Variants in PCSK9 observed in about 807,000 individuals in gnomAD.
PCSK9 encodes the protein proprotein convertase subtilisin/kexin type 9, also known as convertase subtilisin/kexin type 9 preproprotein.
PCSK9 carries 57 observed loss-of-function variants against 62.1 expected under a neutral mutation model. The ratio of observed to expected loss-of-function variants is 0.92; its 90% CI spans 0.74 to 1.14. PCSK9 has a LOEUF of 1.14. PCSK9 is among the 50% of genes most tolerant of loss of function. The probability of loss-of-function intolerance (pLI) is 0.00; values close to 1 mark genes in which losing one functional copy is unlikely to be tolerated. For missense variants in PCSK9, 870 were observed against 959.8 expected, an observed-to-expected ratio of 0.91 and a Z score of 1.24; for synonymous variants, 387 against 409.4, an observed-to-expected ratio of 0.95 and a Z score of 0.66.
At chr1:55,045,953 C>CG (rs1644631641) in intron 2 of PCSK9, among the ~76,000 whole-genome samples, 1 of 151,880 alleles carries the variant, frequency 6.6e-6, no homozygotes, top group Non-Finnish European at 1.5e-5. Flanking sequence ...CAGGTGATCC[C>CG]CCACCTCGGC....
chr1:55,051,933 G>C, intron 3 of PCSK9: 1 of 367,782 alleles, frequency 2.7e-6, no homozygotes, highest in Non-Finnish European at 5.2e-6. Flanking sequence ...GGCTATAATA[G>C]GGGCTTTATT....
At chr1:55,052,436 G>A (rs762967431) in intron 4 of PCSK9, 25 bp downstream of exon 4, 1 of 1,613,410 alleles carries the variant, frequency 6.2e-7, no homozygotes. Flanking sequence ...CTGATGGGAG[G>A]GCTGCCTCTG....
At position 55,039,879 on chromosome 1, in the gene PCSK9, ACTGCTG is replaced by A. The variant is rs35574083; in HGVS notation, c.60_65del (p.Leu22_Leu23del). The A allele has an allele frequency of 2.7e-5, 42 of 1,557,934 alleles. No homozygotes were observed. Among genetic ancestry groups the A allele is most frequent in the East Asian group, 2.4e-4 (10 of 42,092 alleles). Reference sequence around the variant, plus strand: ...CCAGGCGGTCCTGGTGGCCGCTGCCACTGCTGCTGCTGCTGCTGCTGCTCCTGGGTC... The same window carrying A: ...CCAGGCGGTCCTGGTGGCCGCTGCCACTGCTGCTGCTGCTGCTCCTGGGTC... On this transcript the variant is annotated inframe_deletion, in exon 1 of 12. Transcript: ENST00000302118.
At position 55,052,429 on chromosome 1, in the gene PCSK9, A is replaced by G. The variant is rs547075823; in HGVS notation, c.657+18A>G. ...ACAGACAGGTAAGCACGGCCGTCTG[A>G]TGGGAGGGCTGCCTCTGCCCATATC... On this transcript the variant is annotated intron_variant, in intron 4 of 11. Transcript: ENST00000302118. 22 of 1,613,438 alleles carry G rather than the reference A, an allele frequency of 1.4e-5. No homozygotes were observed. In the South Asian group the frequency reaches 1.5e-4, roughly 11 times the overall value.
In PCSK9 at chr1:55,058,500, T is replaced by G. The variant is rs886038746; in HGVS notation, c.1356T>G (p.Gly452=). 6.2e-6 allele frequency: 10 copies of G among 1,612,172 alleles called. No individual in the cohort carries two copies. The highest frequency in any genetic ancestry group is 4.5e-4 in the Middle Eastern group (2 of 4,438). The change falls in exon 9 of 12, where the codon GGT becomes GGG. Residue 452 remains glycine, a splice_region_variant and synonymous_variant. Transcript: ENST00000302118. The stretch of plus-strand genomic sequence containing the variant: ...CCTCATCCCAGGCCCTTTTTGCAGG[T>G]TGGCAGCTGTTTTGCAGGACTGTAT... ...AALPPSTHGA[G]WQLFCRTVWS...
At chr1:55,041,751 C>T (rs1012400772) in intron 1 of PCSK9, among the ~76,000 whole-genome samples, 5 of 152,210 alleles carry the variant, frequency 3.3e-5, no homozygotes, top group Non-Finnish European at 4.4e-5. Flanking sequence ...TGACACTCCA[C>T]TGCACAGAGT....
chr1:55,061,650 G>A (rs630431), intron 11 of PCSK9, 94 bp downstream of exon 11: 1,028,851 of 1,476,310 alleles, frequency 0.7, 363,586 homozygotes, highest in East Asian at 0.86. Flanking sequence ...ATACCGCCAT[G>A]CATCAGGGTG....
At position 55,059,479 on chromosome 1, in the gene PCSK9, C is replaced by T. The variant is rs72646520; in HGVS notation, c.1504-7C>T. On this transcript the variant is annotated splice_polypyrimidine_tract_variant and splice_region_variant and intron_variant, in intron 9 of 11. Transcript: ENST00000302118. ...AGCAGATTCCCATTTCCGTCTTTGACTCTAAGGCCCAAGGGGGCAAGCTGG... is the reference window on the plus strand; with the variant it reads ...AGCAGATTCCCATTTCCGTCTTTGATTCTAAGGCCCAAGGGGGCAAGCTGG... 153 of 1,559,736 alleles carry T rather than the reference C, an allele frequency of 9.8e-5. No individual in the cohort carries two copies. In the African/African-American group the frequency reaches 1.7e-3, roughly 18 times the overall value.
At chr1:55,042,726 A>G (rs1644606327) in intron 1 of PCSK9, among the ~76,000 whole-genome samples, 1 of 152,228 alleles carries the variant, frequency 6.6e-6, no homozygotes, top group African/African-American at 2.4e-5. Flanking sequence ...CAGTTGGAGC[A>G]GACAAGAGCT....
intron 7 of PCSK9, 62 bp from the exon 8 acceptor site, chr1:55,057,974 G>A: frequency 3.1e-6 from 5 of 1,593,006 alleles, no homozygotes; most frequent in Non-Finnish European, 4.3e-6. Flanking sequence ...ACTGGCAGGA[G>A]TCCCCTGCTG....
chr1:55,055,522 C>T (rs12136600), intron 5 of PCSK9, among the ~76,000 whole-genome samples: 16,938 of 152,160 alleles, frequency 0.11, 1,119 homozygotes, highest in South Asian at 0.18. Context: ...CTAATATCTT[C>T]CAGTTTGTAT....
At position 55,039,588 on chromosome 1, in the gene PCSK9, G is replaced by T. The variant is rs568918099; in HGVS notation, c.-250G>T. On this transcript the variant is annotated 5_prime_UTR_variant, in exon 1 of 12. Transcript: ENST00000302118. ...CTCATGGTTGCAGGCGGGCGCCGCC[G>T]TTCAGTTCAGGGTCTGAGCCTGGAG... 5.1e-6 allele frequency: 3 copies of T among 586,020 alleles called. No homozygotes were observed. The highest frequency in any genetic ancestry group is 4.2e-5 in the South Asian group (2 of 48,058). The allele number at this position is 586,020 out of a possible 1,614,324, so 36.3% of individuals were successfully genotyped here.
intron 3 of PCSK9, among the ~76,000 whole-genome samples, chr1:55,050,438 G>A (rs1227945327): frequency 6.6e-6 from 1 of 152,208 alleles, no homozygotes; most frequent in East Asian, 1.9e-4. Context: ...TGTAGCACCG[G>A]GCACATGGTA....
At chr1:55,056,723 A>G (rs1265985382) in intron 6 of PCSK9, among the ~76,000 whole-genome samples, 11 of 152,132 alleles carry the variant, frequency 7.2e-5, no homozygotes, top group Admixed American at 7.2e-4. Flanking sequence ...GGACACAGAC[A>G]CGGAGCCTCG....
At chr1:55,049,471 C>T (rs1224618112) in intron 3 of PCSK9, among the ~76,000 whole-genome samples, 3 of 152,234 alleles carry the variant, frequency 2.0e-5, no homozygotes, top group Admixed American at 6.5e-5. Flanking sequence ...TTTCCAGAGG[C>T]TGGAAGAGGC....
In PCSK9 at chr1:55,064,314, C is replaced by G. The variant is rs1018945396; in HGVS notation, c.*730C>G. ...GGTGCATGCACTGTCTCAGCCAACC[C>G]GCTCCACTACCCGGCAGGGTACACA... On this transcript the variant is annotated 3_prime_UTR_variant, in exon 12 of 12. Transcript: ENST00000302118. The G allele has an allele frequency of 2.0e-5, 3 of 152,278 alleles. No individual in the cohort carries two copies. Among genetic ancestry groups the G allele is most frequent in the Non-Finnish European group, 4.4e-5 (3 of 68,078 alleles). The allele number at this position is 152,278 out of a possible 1,614,324, so 9.4% of individuals were successfully genotyped here. A position where few individuals can be genotyped will look rare whatever the true frequency, so the allele number is the denominator to read the frequency against.
At chr1:55,044,102 G>A (rs1391408172) in intron 2 of PCSK9, 68 bp downstream of exon 2, 1 of 1,551,318 alleles carries the variant, frequency 6.4e-7, no homozygotes, top group Non-Finnish European at 8.9e-7. Context: ...ACTGGGGACT[G>A]TGCTTAGTAG....
chr1:55,062,754 C>G (rs986712068), intron 11 of PCSK9, among the ~76,000 whole-genome samples: 3 of 152,134 alleles, frequency 2.0e-5, no homozygotes, highest in African/African-American at 7.2e-5. Flanking sequence ...TCAGGTGAGA[C>G]CTGAGGGTCA....
chr1:55,051,412 T>C lies in PCSK9; in HGVS notation c.524-866T>C, dbSNP rs28362239. 746 of 337,188 alleles carry C rather than the reference T, an allele frequency of 2.2e-3. 2 individuals carry two copies. The highest frequency in any genetic ancestry group is 0.015 in the African/African-American group (684 of 45,338). The allele number at this position is 337,188 out of a possible 1,614,324, so 20.9% of individuals were successfully genotyped here. A position where few individuals can be genotyped will look rare whatever the true frequency, so the allele number is the denominator to read the frequency against. On this transcript the variant is annotated intron_variant, in intron 3 of 11. Coordinates refer to ENST00000302118, the MANE Select transcript of PCSK9 (RefSeq NM_174936.4). ...GCAGCAACCTGCCTGAAGTCTTCCT[T>C]TGGCCTGGCTGAGAGTTTCTGAGAC...
Sources: allele counts gnomAD v4.1 joint callset (sites outside exome capture counted in the v4.1 genomes callset), GRCh38; gene constraint gnomAD v4.1.1; transcripts MANE v1.5; gene names NCBI Gene and HGNC (gene_info 2026-07-23, HGNC 2026-07-21).